Variants in CDH11 observed in about 807,000 individuals in gnomAD.
CDH11 encodes cadherin 11, also known as cadherin-11.
In CDH11, 11 loss-of-function variants were observed where a neutral mutation model predicts 67.8. The ratio of observed to expected loss-of-function variants is 0.16; its 90% CI spans 0.10 to 0.27. CDH11 has a LOEUF of 0.27. Among genes scored for constraint, CDH11 ranks in the 10% least tolerant of loss-of-function variants. The pLI, the probability that CDH11 is intolerant of heterozygous loss-of-function variation, is 1.00. For missense variants in CDH11, 847 were observed against 1,031.2 expected (o/e 0.82, Z 2.45); for synonymous variants, 419 against 400.0 (o/e 1.05, Z -0.57).
intron 2 of CDH11, among the ~76,000 whole-genome samples, chr16:65,048,847 A>G (rs1425654871): frequency 6.6e-6 from 1 of 152,152 alleles, no homozygotes; most frequent in African/African-American, 2.4e-5. Flanking sequence ...AATACTACAC[A>G]GCCACAGAGA....
At chr16:65,063,825 G>C (rs2074269494) in intron 1 of CDH11, among the ~76,000 whole-genome samples, 1 of 152,146 alleles carries the variant, frequency 6.6e-6, no homozygotes, top group Non-Finnish European at 1.5e-5. Flanking sequence ...GGATTTGATG[G>C]GCAGTAAGAT....
chr16:65,105,303 G>A (rs1281827731), intron 1 of CDH11, among the ~76,000 whole-genome samples: 2 of 152,180 alleles, frequency 1.3e-5, no homozygotes, highest in East Asian at 1.9e-4. Flanking sequence ...CGAATATAGA[G>A]GGAGACTGGG....
At chr16:64,959,957 T>C (rs1237236929) in intron 11 of CDH11, among the ~76,000 whole-genome samples, 2 of 152,218 alleles carry the variant, frequency 1.3e-5, no homozygotes, top group African/African-American at 4.8e-5. Context: ...AAACATTTTG[T>C]TGTTTATTTA....
At position 64,991,954 on chromosome 16, in the gene CDH11, A is replaced by T; in HGVS notation, c.644-19T>A. On this transcript the variant is annotated intron_variant, in intron 5 of 12. Transcript: ENST00000268603. ...ATGATACCTGGACAGGTAAGCAGGC[A>T]ACATCACAGATATTCGTTTATAACA... The T allele has an allele frequency of 1.9e-6, 3 of 1,547,014 alleles. No individual in the cohort carries two copies. In the South Asian group the frequency reaches 3.6e-5, roughly 18 times the overall value.
chr16:65,078,165 G>A (rs181052350), intron 1 of CDH11, among the ~76,000 whole-genome samples: 1 of 152,208 alleles, frequency 6.6e-6, no homozygotes, highest in East Asian at 1.9e-4. Context: ...AAAAGTCAAA[G>A]AAACCTCCCT....
intron 2 of CDH11, among the ~76,000 whole-genome samples, chr16:65,043,762 G>T (rs960778815): frequency 6.6e-6 from 1 of 152,234 alleles, no homozygotes; most frequent in Middle Eastern, 3.4e-3. Flanking sequence ...AAAGTTAAAA[G>T]GAATGAAGCG....
chr16:65,046,870 G>A (rs578105456), intron 2 of CDH11, among the ~76,000 whole-genome samples: 2 of 152,306 alleles, frequency 1.3e-5, no homozygotes, highest in Admixed American at 1.3e-4. Context: ...CACTTTGGGA[G>A]GCCGAGGCGG....
chr16:64,968,873 A>G (rs1389501981), intron 11 of CDH11, among the ~76,000 whole-genome samples: 1 of 152,228 alleles, frequency 6.6e-6, no homozygotes, highest in Non-Finnish European at 1.5e-5. Context: ...GATTACTTCA[A>G]TATGTAATTA....
intron 1 of CDH11, among the ~76,000 whole-genome samples, chr16:65,116,680 C>T (rs188181174): frequency 3.2e-4 from 48 of 152,294 alleles, no homozygotes; most frequent in African/African-American, 1.2e-3. Context: ...CTACTGTCTA[C>T]TGCAGTCTTT....
chr16:64,994,040 T>A (rs182565000), intron 4 of CDH11, among the ~76,000 whole-genome samples: 11 of 152,206 alleles, frequency 7.2e-5, no homozygotes, highest in Admixed American at 5.9e-4. Context: ...AAAACTCAAG[T>A]TATTTCTGTA....
chr16:65,045,341 A>ATATATATATATATC (rs2073939880), intron 2 of CDH11, among the ~76,000 whole-genome samples: 1 of 66,848 alleles, frequency 1.5e-5, no homozygotes, highest in Non-Finnish European at 3.0e-5. Context: ...ATATATATAT[A>ATATATATATATATC]TATATATATA....
intron 2 of CDH11, among the ~76,000 whole-genome samples, chr16:65,029,112 C>CT (rs749445721): frequency 6.6e-6 from 1 of 152,002 alleles, no homozygotes; most frequent in South Asian, 2.1e-4. Flanking sequence ...ATAAAATAAA[C>CT]TTTTTTTTAA....
At chr16:64,968,376 A>G (rs2071902281) in intron 11 of CDH11, 2 of 966,778 alleles carry the variant, frequency 2.1e-6, no homozygotes. Flanking sequence ...TCCATTACAT[A>G]TTTCTTGTGA....
intron 5 of CDH11, 122 bp downstream of exon 5, chr16:64,992,793 A>G (rs1250054161): frequency 2.4e-6 from 2 of 848,560 alleles, no homozygotes; most frequent in African/African-American, 1.7e-5. Flanking sequence ...CACTAACCCT[A>G]TAGGGTAGCC....
chr16:65,005,434 G>A (rs1395050447), intron 2 of CDH11, among the ~76,000 whole-genome samples: 1 of 152,198 alleles, frequency 6.6e-6, no homozygotes, highest in Non-Finnish European at 1.5e-5. Context: ...AGGACAGATG[G>A]CTGGACTCAA....
intron 1 of CDH11, among the ~76,000 whole-genome samples, chr16:65,071,391 C>A (rs1299918507): frequency 1.1e-4 from 16 of 152,066 alleles, no homozygotes; most frequent in African/African-American, 3.4e-4. Flanking sequence ...CACCCCCATG[C>A]GCAAACTCCA....
At chr16:65,035,339 C>T (rs1223912750) in intron 2 of CDH11, among the ~76,000 whole-genome samples, 1 of 152,172 alleles carries the variant, frequency 6.6e-6, no homozygotes, top group Non-Finnish European at 1.5e-5. Context: ...GTTCAGAAGA[C>T]CTTTGGTAAT....
intron 1 of CDH11, among the ~76,000 whole-genome samples, chr16:65,095,502 G>C (rs543217794): frequency 6.6e-6 from 1 of 152,234 alleles, no homozygotes; most frequent in South Asian, 2.1e-4. Flanking sequence ...AAGCAATCTA[G>C]GTGTTATTGT....
chr16:65,031,615 G>T (rs762361136), intron 2 of CDH11, among the ~76,000 whole-genome samples: 3 of 152,168 alleles, frequency 2.0e-5, no homozygotes, highest in Non-Finnish European at 4.4e-5. Context: ...CTATGTTCAG[G>T]TAACCACAGG....
Sources: allele counts gnomAD v4.1 joint callset (sites outside exome capture counted in the v4.1 genomes callset), GRCh38; gene constraint gnomAD v4.1.1; transcripts MANE v1.5; gene names NCBI Gene and HGNC (gene_info 2026-07-23, HGNC 2026-07-21).